The following LNX1 variants were observed in gnomAD, a reference collection of about 807,000 sequenced individuals.
LNX1 encodes E3 ubiquitin-protein ligase LNX.
In LNX1, 54 loss-of-function variants were observed where a neutral mutation model predicts 68.4. The ratio of observed to expected loss-of-function variants is 0.79; its 90% confidence interval spans 0.63 to 0.99. LNX1 has a LOEUF of 0.99. LNX1 is among the 50% of genes least tolerant of loss of function. The probability of loss-of-function intolerance (pLI) is 0.00; values close to 1 mark genes in which losing one functional copy is unlikely to be tolerated. For synonymous variants in LNX1, 336 were observed against 350.0 expected (o/e 0.96, Z 0.45); for missense variants, 906 against 926.4 (o/e 0.98, Z 0.29).
intron 2 of LNX1, among the ~76,000 whole-genome samples, chr4:53,525,528 G>C (rs755071949): frequency 6.6e-6 from 1 of 152,170 alleles, no homozygotes; most frequent in Non-Finnish European, 1.5e-5. Flanking sequence ...TGGAATTCCA[G>C]CTCTATTTTG....
intron 1 of LNX1, among the ~76,000 whole-genome samples, chr4:53,642,363 T>C (rs1223508312): frequency 6.6e-6 from 1 of 152,186 alleles, no homozygotes; most frequent in Non-Finnish European, 1.5e-5. Context: ...ATACATGCTT[T>C]TGAACATATT....
At chr4:53,512,839 G>C (rs1283550464) in intron 2 of LNX1, among the ~76,000 whole-genome samples, 2 of 152,084 alleles carry the variant, frequency 1.3e-5, no homozygotes, top group Non-Finnish European at 2.9e-5. Flanking sequence ...TGCTTGAGGT[G>C]GGGTTCCTGG....
In LNX1 at chr4:53,461,303, T is replaced by C; in HGVS notation, c.2051+132A>G. 3.9e-6 allele frequency: 3 copies of C among 760,776 alleles called. No homozygotes were observed. In the South Asian group the frequency reaches 6.0e-5, roughly 15 times the overall value. 47.1% of individuals were successfully genotyped at this position (760,776 alleles called of 1,614,324 possible). Reference sequence around the variant, plus strand: ...GTAATTATTTTGGATTTCTCAGAAGTTGAATGCTACGTACATACTTTTAAT... The same window carrying C: ...GTAATTATTTTGGATTTCTCAGAAGCTGAATGCTACGTACATACTTTTAAT... On this transcript the variant is annotated intron_variant, in intron 10 of 10. Coordinates refer to ENST00000263925, the MANE Select transcript of LNX1 (RefSeq NM_001126328.3).
At chr4:53,617,841 C>T (rs369428500), upstream of LNX1, among the ~76,000 whole-genome samples, 11 of 152,204 alleles carry the variant, frequency 7.2e-5, no homozygotes, top group African/African-American at 2.6e-4. Flanking sequence ...AGTAAATGCT[C>T]TATTATTTGT....
At chr4:53,546,310 C>T (rs1458115467) in intron 2 of LNX1, among the ~76,000 whole-genome samples, 1 of 152,186 alleles carries the variant, frequency 6.6e-6, no homozygotes, top group African/African-American at 2.4e-5. Flanking sequence ...GAGGAAATCC[C>T]ATGTTACCAT....
At chr4:53,619,628 G>A (rs1462298680), upstream of LNX1, among the ~76,000 whole-genome samples, 1 of 152,112 alleles carries the variant, frequency 6.6e-6, no homozygotes, top group African/African-American at 2.4e-5. Context: ...ATGAGCCTTT[G>A]GGTTCTCTCC....
chr4:53,636,668 A>T (rs1734492770), intron 1 of LNX1, among the ~76,000 whole-genome samples: 1 of 152,166 alleles, frequency 6.6e-6, no homozygotes, highest in Admixed American at 6.6e-5. Context: ...TTACTTTGAT[A>T]GTAATTTGGC....
At chr4:53,613,632 A>G (rs1314687218) in intron 2 of LNX1, among the ~76,000 whole-genome samples, 2 of 152,158 alleles carry the variant, frequency 1.3e-5, no homozygotes, top group Admixed American at 1.3e-4. Flanking sequence ...CACAAAAGAC[A>G]TGATCTAATT....
intron 1 of LNX1, 80 bp from the exon 2 acceptor site, chr4:53,574,168 G>A: frequency 4.8e-6 from 5 of 1,036,500 alleles, no homozygotes; most frequent in South Asian, 1.8e-5. Flanking sequence ...AGACAGGGCT[G>A]CCAATGCATG....
chr4:53,603,276 C>T (rs558962651), intron 2 of LNX1, among the ~76,000 whole-genome samples: 107 of 152,314 alleles, frequency 7.0e-4, no homozygotes, highest in Admixed American at 1.5e-3. Context: ...TTTTCATATT[C>T]ATGGTTCCTA....
At chr4:53,624,350 T>G (rs1733996386) in intron 1 of LNX1, among the ~76,000 whole-genome samples, 1 of 152,170 alleles carries the variant, frequency 6.6e-6, no homozygotes, top group Non-Finnish European at 1.5e-5. Flanking sequence ...CTAGTGGTTG[T>G]GAAAAAGTCT....
At chr4:53,488,881 A>T (rs1284557375) in intron 6 of LNX1, among the ~76,000 whole-genome samples, 1 of 152,212 alleles carries the variant, frequency 6.6e-6, no homozygotes, top group Non-Finnish European at 1.5e-5. Context: ...GTATTTCACA[A>T]CAAGGTTTGG....
chr4:53,591,471 G>T lies in LNX1; in HGVS notation c.-170C>A. 1 of 985,642 alleles carries T rather than the reference G, an allele frequency of 1.0e-6. No individual in the cohort carries two copies. Among genetic ancestry groups the T allele is most frequent in the Non-Finnish European group, 1.2e-6 (1 of 830,150 alleles). 61.1% of individuals were successfully genotyped at this position (985,642 alleles called of 1,614,324 possible). The stretch of plus-strand genomic sequence containing the variant: ...TTGTGGGTGAACCGAGCAGCTCCTT[G>T]GGCCGCCGGAGTTGTGACCAGCCTC... On this transcript the variant is annotated 5_prime_UTR_variant, in exon 1 of 11. Coordinates refer to ENST00000263925, the MANE Select transcript of LNX1 (RefSeq NM_001126328.3).
intron 2 of LNX1, among the ~76,000 whole-genome samples, chr4:53,544,833 C>A (rs1303488559): frequency 6.6e-6 from 1 of 152,190 alleles, no homozygotes; most frequent in African/African-American, 2.4e-5. Context: ...GAGGTTGATG[C>A]AATGACATCA....
intron 9 of LNX1, among the ~76,000 whole-genome samples, chr4:53,466,651 G>A (rs939834687): frequency 1.3e-5 from 2 of 152,236 alleles, no homozygotes; most frequent in Non-Finnish European, 2.9e-5. Context: ...ATACTGTGCT[G>A]TTCCAATGGG....
intron 6 of LNX1, among the ~76,000 whole-genome samples, chr4:53,492,847 T>C (rs1034571735): frequency 6.6e-6 from 1 of 152,080 alleles, no homozygotes; most frequent in Non-Finnish European, 1.5e-5. Context: ...AAGTTTGAGA[T>C]GCCTTTGCCT....
chr4:53,492,539 G>GAGAGAGTGGC (rs1724766925), intron 6 of LNX1, among the ~76,000 whole-genome samples: 1 of 151,608 alleles, frequency 6.6e-6, no homozygotes, highest in Non-Finnish European at 1.5e-5. Flanking sequence ...GAGAGAGAGA[G>GAGAGAGTGGC]AGAGTGGCAT....
intron 2 of LNX1, among the ~76,000 whole-genome samples, chr4:53,560,197 A>G (rs1730186524): frequency 6.6e-6 from 1 of 152,204 alleles, no homozygotes; most frequent in Admixed American, 6.5e-5. Context: ...ATGATGTATT[A>G]TAAAGGTTGT....
chr4:53,570,959 C>T (rs1039389514), intron 2 of LNX1, among the ~76,000 whole-genome samples: 3 of 151,312 alleles, frequency 2.0e-5, no homozygotes, highest in Non-Finnish European at 4.4e-5. Flanking sequence ...CCCGGGAGGC[C>T]GAGCTTGTGG....
Sources: gnomAD v4.1 joint callset for allele counts (sites outside exome capture counted in the v4.1 genomes callset) on GRCh38, gnomAD v4.1.1 for gene constraint, MANE v1.5 for transcripts, NCBI Gene and HGNC (gene_info 2026-07-23, HGNC 2026-07-21) for gene names.